Variants in ZNF3 observed in about 807,000 individuals in gnomAD.
ZNF3 encodes zinc finger protein 3.
A neutral mutation model predicts 36.9 loss-of-function variants in ZNF3; 16 were observed. The ratio of observed to expected loss-of-function variants is 0.43; its 90% CI spans 0.29 to 0.66. The LOEUF (loss-of-function observed/expected upper bound fraction) is 0.66. Among genes scored for constraint, ZNF3 ranks in the 30% least tolerant of loss-of-function variants. The pLI is 0.13. For synonymous variants in ZNF3, 201 were observed against 201.9 expected (o/e 1.00, Z 0.04); for missense variants, 462 against 543.1 (o/e 0.85, Z 1.48).
chr7:100,073,022 CCT>C (rs1410108181), intron 5 of ZNF3, among the ~76,000 whole-genome samples: 2 of 152,192 alleles, frequency 1.3e-5, no homozygotes, highest in Non-Finnish European at 2.9e-5. Flanking sequence ...CCTCTTAGGA[CCT>C]CTCTGCTCTC....
chr7:100,066,219 C>T (rs1264149724), downstream of ZNF3, among the ~76,000 whole-genome samples: 4 of 152,028 alleles, frequency 2.6e-5, no homozygotes, highest in African/African-American at 9.7e-5. Context: ...ATCCTGTTGG[C>T]TGAAAGTTTT....
In ZNF3 at chr7:100,071,758, G is replaced by A. The variant is rs1793192352; in HGVS notation, c.726C>T (p.His242=). ...ECGKAFSQSS[H]LIQHQRIHTG... is the part of the protein sequence containing the mutation. ...TGTGGATTCTCTGATGCTGAATAAG[G>A]TGTGAGCTCTGGCTGAAGGCCTTCC... The change falls in exon 6 of 6, where the codon CAC becomes CAT. Residue 242 remains histidine (H), a synonymous_variant. Coordinates refer to ENST00000299667, the MANE Select transcript of ZNF3 (RefSeq NM_032924.5). 6.2e-7 allele frequency: 1 copy of A among 1,613,954 alleles called. No homozygotes were observed.
intron 1 of ZNF3, among the ~76,000 whole-genome samples, chr7:100,080,819 TA>T (rs1162531319): frequency 2.0e-5 from 3 of 152,144 alleles, no homozygotes; most frequent in East Asian, 3.9e-4. Context: ...TTAATTTTTT[TA>T]AAAAAAGAGC....
rs144755273 is a variant in ZNF3, at chr7:100,072,371, C to T, written c.272-159G>A. Among the ~76,000 whole-genome samples, 51 of 152,230 alleles carry T rather than the reference C, an allele frequency of 3.4e-4. No individual in the cohort carries two copies. The East Asian group carries it at 9.5e-3, about 28-fold the overall frequency. The stretch of plus-strand genomic sequence containing the variant: ...TGCGGCTAAGGCAAAATGAGACAGC[C>T]GGGCTAAGGAGACAGGGAAGGGGCA... On this transcript the variant is annotated intron_variant, in intron 5 of 5. Transcript: ENST00000299667.
intron 3 of ZNF3, among the ~76,000 whole-genome samples, chr7:100,076,836 A>G (rs958202750): frequency 3.9e-5 from 6 of 152,138 alleles, no homozygotes; most frequent in Admixed American, 3.9e-4. Flanking sequence ...CTGTAATTTC[A>G]ACACTTTGGG....
downstream of ZNF3, among the ~76,000 whole-genome samples, chr7:100,067,260 C>CT (rs1201010271): frequency 6.6e-6 from 1 of 152,154 alleles, no homozygotes; most frequent in Non-Finnish European, 1.5e-5. Flanking sequence ...CCTTTATTGT[C>CT]TGAGTGAACG....
In ZNF3 at chr7:100,071,661, G is replaced by A. The variant is rs542856016; in HGVS notation, c.823C>T (p.Arg275Trp). ...FSCSSALILH[R>W]RIHTGEKPYE... ...GGTTTCTCCCCCGTGTGGATCCTCCGATGCAGAATGAGGGCAGAGCTACAG... is the reference window on the plus strand; with the variant it reads ...GGTTTCTCCCCCGTGTGGATCCTCCAATGCAGAATGAGGGCAGAGCTACAG... The change falls in exon 6 of 6, where the codon CGG (arginine) becomes TGG (tryptophan). Residue 275 changes from arginine to tryptophan, a missense_variant. Coordinates refer to ENST00000299667, the MANE Select transcript of ZNF3 (RefSeq NM_032924.5). 19 of 1,613,692 alleles carry A rather than the reference G, an allele frequency of 1.2e-5. No individual in the cohort carries two copies. The highest frequency in any genetic ancestry group is 2.7e-5 in the African/African-American group (2 of 74,784).
At chr7:100,076,821 C>T (rs1477158739) in intron 3 of ZNF3, among the ~76,000 whole-genome samples, 3 of 152,122 alleles carry the variant, frequency 2.0e-5, no homozygotes, top group Admixed American at 2.0e-4. Context: ...CGCGGTGGGT[C>T]ATGCCTGTAA....
At chr7:100,064,106 C>A (rs779882476) in exon 6 of ZNF3, 1 of 1,614,138 alleles carries the variant, frequency 6.2e-7, no homozygotes, top group Non-Finnish European at 8.5e-7. Context: ...GGGGAGAAAC[C>A]TTACGTGTGC....
downstream of ZNF3, among the ~76,000 whole-genome samples, chr7:100,069,332 T>C (rs558531289): frequency 2.6e-5 from 4 of 152,178 alleles, no homozygotes; most frequent in South Asian, 4.2e-4. Context: ...GGCCGGCAGA[T>C]TGCTAGAGCT....
chr7:100,064,830 G>A (rs1431845302), exon 6 of ZNF3: 4 of 1,614,068 alleles, frequency 2.5e-6, no homozygotes, highest in East Asian at 2.2e-5. Context: ...GTTCACTGGA[G>A]CAGAGTCCCT....
exon 6 of ZNF3, chr7:100,064,531 T>C: frequency 1.2e-6 from 2 of 1,614,126 alleles, no homozygotes; most frequent in Non-Finnish European, 1.7e-6. Flanking sequence ...GCCCTACTGG[T>C]GTCATCACTG....
downstream of ZNF3, among the ~76,000 whole-genome samples, chr7:100,069,026 C>T (rs1472554153): frequency 2.0e-5 from 3 of 151,766 alleles, no homozygotes; most frequent in African/African-American, 7.3e-5. Context: ...GAGAGCATTT[C>T]ACCATGTTGG....
intron 2 of ZNF3, among the ~76,000 whole-genome samples, chr7:100,078,495 CAAAAAA>C (rs532938420): frequency 1.1e-5 from 1 of 88,904 alleles, no homozygotes; most frequent in Non-Finnish European, 2.3e-5. Flanking sequence ...GACTCTGCCT[CAAAAAA>C]AAAAAAAAAG....
At chr7:100,069,696 C>T (rs1792846678), downstream of ZNF3, among the ~76,000 whole-genome samples, 2 of 152,098 alleles carry the variant, frequency 1.3e-5, no homozygotes, top group African/African-American at 4.8e-5. Flanking sequence ...TCACCACAAC[C>T]TGCGCCTCCC....
At chr7:100,073,848 A>G (rs914945304) in intron 5 of ZNF3, among the ~76,000 whole-genome samples, 1 of 151,950 alleles carries the variant, frequency 6.6e-6, no homozygotes, top group Admixed American at 6.6e-5. Flanking sequence ...AAGTCCTGAG[A>G]ATAACACGGA....
rs1793192787 is a variant in ZNF3 at position 100,071,760 on chromosome 7, G to A, written c.724C>T (p.His242Tyr). 1 of 1,611,750 alleles carries A rather than the reference G, an allele frequency of 6.2e-7. No homozygotes were observed. Among genetic ancestry groups the A allele is most frequent in the Non-Finnish European group, 8.5e-7 (1 of 1,179,314 alleles). Reference sequence around the variant, plus strand: ...TGGATTCTCTGATGCTGAATAAGGTGTGAGCTCTGGCTGAAGGCCTTCCCA... The same window carrying A: ...TGGATTCTCTGATGCTGAATAAGGTATGAGCTCTGGCTGAAGGCCTTCCCA... The part of the protein sequence containing the change: ...ECGKAFSQSS[H>Y]LIQHQRIHTG... Residue 242 changes from histidine to tyrosine, a missense_variant, in exon 6 of 6, where the codon CAC becomes TAC. Transcript: ENST00000299667.
chr7:100,070,505 G>A lies in ZNF3; in HGVS notation c.*638C>T, dbSNP rs2116248531. 2 of 985,586 alleles carry A rather than the reference G, an allele frequency of 2.0e-6. No homozygotes were observed. Among genetic ancestry groups the A allele is most frequent in the South Asian group, 9.4e-5 (2 of 21,274 alleles). 61.1% of individuals were successfully genotyped at this position (985,586 alleles called of 1,614,324 possible). A position where few individuals can be genotyped will look rare whatever the true frequency, so the allele number is the denominator to read the frequency against. ...AACTGGGGGGGATGGCAGGGGGTCT[G>A]CTGGCAATATCACCAGGTTTCTCTT... On this transcript the variant is annotated 3_prime_UTR_variant, in exon 6 of 6. Transcript: ENST00000299667.
chr7:100,070,948 G>A lies in ZNF3; in HGVS notation c.*195C>T, dbSNP rs545849096. On this transcript the variant is annotated 3_prime_UTR_variant, in exon 6 of 6. Coordinates refer to ENST00000299667, the MANE Select transcript of ZNF3 (RefSeq NM_032924.5). ...CAGAGCTGCTTTCTATTCCCAGCACGCCATCCACTTGCCTTGACGCTTTCT... is the reference window on the plus strand; with the variant it reads ...CAGAGCTGCTTTCTATTCCCAGCACACCATCCACTTGCCTTGACGCTTTCT... 730 of 1,373,572 alleles carry A rather than the reference G, an allele frequency of 5.3e-4. No homozygotes were observed. The highest frequency in any genetic ancestry group is 6.0e-4 in the Non-Finnish European group (641 of 1,068,588). The allele number at this position is 1,373,572 out of a possible 1,614,324, so 85.1% of individuals were successfully genotyped here. A position where few individuals can be genotyped will look rare whatever the true frequency, so the allele number is the denominator to read the frequency against.
Sources: gnomAD v4.1 joint callset for allele counts (sites outside exome capture counted in the v4.1 genomes callset) on GRCh38, gnomAD v4.1.1 for gene constraint, MANE v1.5 for transcripts, NCBI Gene and HGNC (gene_info 2026-07-23, HGNC 2026-07-21) for gene names.